Variants in KBTBD11 observed in about 807,000 individuals in gnomAD.
The protein encoded by KBTBD11 is kelch repeat and BTB domain containing 11, also known as kelch repeat and BTB domain-containing protein 11.
For synonymous variants in KBTBD11, 747 were observed against 499.0 expected (o/e 1.50, Z -6.63); for missense variants, 1,390 against 1,001.8 (o/e 1.39, Z -5.23).
At position 2,003,224 on chromosome 8, in the gene KBTBD11, G is replaced by C. The variant is rs1369622242; in HGVS notation, c.*160G>C. On this transcript the variant is annotated 3_prime_UTR_variant, in exon 2 of 2. Transcript: ENST00000320248. Reference sequence around the variant, plus strand: ...CGAGGACGCTCTCAGGGCCGCTTTCGCTTTGCTTTCCTTTTGCTTGTCTTT... The same window carrying C: ...CGAGGACGCTCTCAGGGCCGCTTTCCCTTTGCTTTCCTTTTGCTTGTCTTT... 1.4e-5 allele frequency: 16 copies of C among 1,145,302 alleles called. No homozygotes were observed. The highest frequency in any genetic ancestry group is 6.5e-5 in the East Asian group (2 of 30,896). 70.9% of individuals were successfully genotyped at this position (1,145,302 alleles called of 1,614,324 possible). A position where few individuals can be genotyped will look rare whatever the true frequency, so the allele number is the denominator to read the frequency against.
chr8:1,999,458 T>C (rs1817263375), intron 1 of KBTBD11, among the ~76,000 whole-genome samples: 1 of 152,244 alleles, frequency 6.6e-6, no homozygotes, highest in Non-Finnish European at 1.5e-5. Flanking sequence ...TGAAGTTGGC[T>C]TATGTGGACT....
At chr8:1,974,142 G>GA (rs1292657565) in intron 1 of KBTBD11, among the ~76,000 whole-genome samples, 1 of 135,616 alleles carries the variant, frequency 7.4e-6, no homozygotes, top group African/African-American at 2.8e-5. Flanking sequence ...GGGGAGGGGA[G>GA]GGGGGACCGG....
intron 1 of KBTBD11, among the ~76,000 whole-genome samples, chr8:1,992,193 G>A (rs920659251): frequency 3.0e-4 from 46 of 152,110 alleles, no homozygotes; most frequent in Non-Finnish European, 7.3e-5. Context: ...AGGGGAGCAC[G>A]GGTGAGTTTC....
Position 2,001,377 on chromosome 8 carries a change from C to A in KBTBD11, c.185C>A (p.Ala62Asp), listed in dbSNP as rs1333124923. The change falls in exon 2 of 2, where the codon GCC (alanine) becomes GAC (aspartate). Residue 62 changes from alanine (A) to aspartate (D), a missense_variant. Coordinates refer to ENST00000320248, the MANE Select transcript of KBTBD11 (RefSeq NM_014867.3). Reference protein sequence around the residue: ...QSLASAAEGAATSPPSSGGPR... With the variant: ...QSLASAAEGADTSPPSSGGPR... ...CTCGCCTCAGCGGCGGAAGGCGCGG[C>A]CACCTCCCCGCCCTCCAGCGGTGGC... 2 of 1,467,002 alleles carry A rather than the reference C, an allele frequency of 1.4e-6. No homozygotes were observed. The highest frequency in any genetic ancestry group is 2.6e-5 in the South Asian group (2 of 76,548). The allele number at this position is 1,467,002 out of a possible 1,614,324, so 90.9% of individuals were successfully genotyped here.
chr8:2,002,310 A>T lies in KBTBD11; in HGVS notation c.1118A>T (p.Asp373Val). 1 of 1,333,740 alleles carries T rather than the reference A, an allele frequency of 7.5e-7. No individual in the cohort carries two copies. 82.6% of individuals were successfully genotyped at this position (1,333,740 alleles called of 1,614,324 possible). Reference sequence around the variant, plus strand: ...GGCGGCGTGGCGCCCGCGGGCCCCGACGGCCGCGCGCGCCCGTCCGACCAG... The same window carrying T: ...GGCGGCGTGGCGCCCGCGGGCCCCGTCGGCCGCGCGCGCCCGTCCGACCAG... Reference protein sequence around the residue: ...VAGGVAPAGPDGRARPSDQVF... With the variant: ...VAGGVAPAGPVGRARPSDQVF... The change falls in exon 2 of 2, where the codon GAC (aspartate) becomes GTC (valine). Residue 373 changes from aspartate to valine, a missense_variant. Coordinates refer to ENST00000320248, the MANE Select transcript of KBTBD11 (RefSeq NM_014867.3). The surrounding 1 kb of genome is among the most constrained non-coding windows in gnomAD (Gnocchi z 4.1).
intron 1 of KBTBD11, among the ~76,000 whole-genome samples, chr8:1,987,422 T>C (rs1212103464): frequency 6.6e-6 from 1 of 152,122 alleles, no homozygotes; most frequent in African/African-American, 2.4e-5. Context: ...AAAGCAATCT[T>C]TCTAAAACCC....
At chr8:1,979,761 CA>C (rs1816477171) in intron 1 of KBTBD11, among the ~76,000 whole-genome samples, 2 of 149,998 alleles carry the variant, frequency 1.3e-5, no homozygotes, top group African/African-American at 4.9e-5. Context: ...GTGTGGCAGA[CA>C]GGGGTGTGTG....
Position 1,973,798 on chromosome 8 carries a change from C to T in KBTBD11, c.-1046C>T. 2 of 983,522 alleles carry T rather than the reference C, an allele frequency of 2.0e-6. No homozygotes were observed. Among genetic ancestry groups the T allele is most frequent in the Non-Finnish European group, 2.4e-6 (2 of 829,244 alleles). 60.9% of individuals were successfully genotyped at this position (983,522 alleles called of 1,614,324 possible). On this transcript the variant is annotated 5_prime_UTR_variant, in exon 1 of 2. Transcript: ENST00000320248. ...CACGCCCCGCTGCGGGTCGGAGGAG[C>T]AGCTCCCGCTCGCAGGTGCTCGGAG...
At position 2,001,686 on chromosome 8, in the gene KBTBD11, T is replaced by A; in HGVS notation, c.494T>A (p.Phe165Tyr). 1 of 1,442,694 alleles carries A rather than the reference T, an allele frequency of 6.9e-7. No individual in the cohort carries two copies. The highest frequency in any genetic ancestry group is 9.1e-7 in the Non-Finnish European group (1 of 1,103,234). The allele number at this position is 1,442,694 out of a possible 1,614,324, so 89.4% of individuals were successfully genotyped here. ...GTGCTGGCGGCGCGCAGCGACTACTTCCGCGCGCGCGCGTCGCGGGACGTG... is the reference window on the plus strand; with the variant it reads ...GTGCTGGCGGCGCGCAGCGACTACTACCGCGCGCGCGCGTCGCGGGACGTG... Reference protein sequence around the residue: ...KAVLAARSDYFRARASRDVLR... With the variant: ...KAVLAARSDYYRARASRDVLR... Residue 165 changes from phenylalanine to tyrosine, a missense_variant, in exon 2 of 2, where the codon TTC (phenylalanine) becomes TAC (tyrosine). Phe to Tyr is a conservative substitution (Grantham distance 22). Transcript: ENST00000320248.
At chr8:1,990,543 G>A (rs79953721) in intron 1 of KBTBD11, among the ~76,000 whole-genome samples, 2 of 28,086 alleles carry the variant, frequency 7.1e-5, no homozygotes, top group Non-Finnish European at 1.2e-4. Flanking sequence ...TAGATGCTGC[G>A]GGGCCTTGGC....
intron 1 of KBTBD11, chr8:1,974,322 G>A: frequency 3.0e-6 from 3 of 984,520 alleles, no homozygotes; most frequent in Non-Finnish European, 3.6e-6. Flanking sequence ...CCCGCGCCGC[G>A]CCCGCAGTCA....
At chr8:1,977,696 TTA>T (rs1197464269) in intron 1 of KBTBD11, among the ~76,000 whole-genome samples, 52 of 48,740 alleles carry the variant, frequency 1.1e-3, no homozygotes, top group African/African-American at 5.1e-3. Flanking sequence ...ACTTATTTAT[TTA>T]TTTTTTTTTG....
In KBTBD11 at chr8:2,003,496, C is replaced by T. The variant is rs1236690232; in HGVS notation, c.*432C>T. Reference sequence around the variant, plus strand: ...GGGAAGCACGCAGAGAGGGTCACGCCTTTTATTTTTGGCTTGAGATTTAAA... The same window carrying T: ...GGGAAGCACGCAGAGAGGGTCACGCTTTTTATTTTTGGCTTGAGATTTAAA... On this transcript the variant is annotated 3_prime_UTR_variant, in exon 2 of 2. Coordinates refer to ENST00000320248, the MANE Select transcript of KBTBD11 (RefSeq NM_014867.3). The T allele has an allele frequency of 5.6e-6, 1 of 177,696 alleles. No homozygotes were observed. Among genetic ancestry groups the T allele is most frequent in the African/African-American group, 2.4e-5 (1 of 41,832 alleles). The allele number at this position is 177,696 out of a possible 1,614,324, so 11.0% of individuals were successfully genotyped here.
intron 1 of KBTBD11, among the ~76,000 whole-genome samples, chr8:1,996,503 G>A (rs913135941): frequency 1.3e-5 from 2 of 152,030 alleles, no homozygotes; most frequent in African/African-American, 4.8e-5. Flanking sequence ...CCTGACCTCA[G>A]GTGACCCACC....
At chr8:1,982,488 C>G (rs564369158) in intron 1 of KBTBD11, among the ~76,000 whole-genome samples, 21 of 135,728 alleles carry the variant, frequency 1.5e-4, no homozygotes, top group African/African-American at 5.3e-4. Context: ...ACATATAAGA[C>G]CCCACTATAT....
intron 1 of KBTBD11, among the ~76,000 whole-genome samples, chr8:1,990,110 C>T (rs977489569): frequency 1.5e-4 from 23 of 152,210 alleles, no homozygotes; most frequent in African/African-American, 5.3e-4. Flanking sequence ...GCTGGTAGAT[C>T]TGCCTGTCTC....
rs1817350964 is a variant in KBTBD11, at chr8:2,001,460, G to A, written c.268G>A (p.Glu90Lys). ...CAGCGCGGGCGCCGCGTCCCCGGAG[G>A]AGCTCGCGTCCCCTGAGGAGCGCGC... is the stretch of plus-strand genomic sequence containing the variant. ...AGSAGAASPEELASPEERACP... is the reference protein window; with the variant it reads ...AGSAGAASPEKLASPEERACP... The change falls in exon 2 of 2, where the codon GAG (glutamate) becomes AAG (lysine). Residue 90 changes from glutamate to lysine, a missense_variant. Transcript: ENST00000320248. 5 of 1,363,772 alleles carry A rather than the reference G, an allele frequency of 3.7e-6. No homozygotes were observed. The highest frequency in any genetic ancestry group is 1.8e-5 in the South Asian group (1 of 56,670). 84.5% of individuals were successfully genotyped at this position (1,363,772 alleles called of 1,614,324 possible).
At chr8:1,977,339 T>C (rs554748810) in intron 1 of KBTBD11, among the ~76,000 whole-genome samples, 2 of 152,284 alleles carry the variant, frequency 1.3e-5, no homozygotes, top group East Asian at 1.9e-4. Flanking sequence ...CTGGTATTGT[T>C]ACTGTTTTAT....
rs1817326929 is a variant in KBTBD11, at chr8:2,001,120, A to G, written c.-73A>G. The G allele has an allele frequency of 1.6e-6, 2 of 1,265,222 alleles. No homozygotes were observed. Among genetic ancestry groups the G allele is most frequent in the African/African-American group, 1.6e-5 (1 of 64,494 alleles). The allele number at this position is 1,265,222 out of a possible 1,614,324, so 78.4% of individuals were successfully genotyped here. ...GCTGTGAGGCTGGAAACCCCGGAGT[A>G]AGGCTCGACCTTGGCCAGACCTGCA... is the stretch of plus-strand genomic sequence containing the variant. On this transcript the variant is annotated 5_prime_UTR_variant, in exon 2 of 2. It removes the in-frame stop codon of an upstream open reading frame in the 5' UTR. Transcript: ENST00000320248.
Sources: allele counts gnomAD v4.1 joint callset (sites outside exome capture counted in the v4.1 genomes callset), GRCh38; gene constraint gnomAD v4.1.1; non-coding constraint Gnocchi (gnomAD v3.1); transcripts MANE v1.5; gene names NCBI Gene and HGNC (gene_info 2026-07-23, HGNC 2026-07-21).